NRXN3: variants seen among roughly 807,000 people sequenced by gnomAD.
The protein encoded by NRXN3 is neurexin 3.
A neutral mutation model predicts 137.6 loss-of-function variants in NRXN3; 32 were observed. The observed-to-expected ratio is 0.23, with a 90% CI of 0.18 to 0.31. NRXN3 has a LOEUF of 0.31. NRXN3 is among the 10% of genes least tolerant of loss of function. The probability of loss-of-function intolerance (pLI) is 1.00; values close to 1 mark genes in which losing one functional copy is unlikely to be tolerated. For missense variants in NRXN3, 1,574 were observed against 2,062.5 expected (o/e 0.76, Z 4.59); for synonymous variants, 798 against 784.5 (o/e 1.02, Z -0.29).
intron 10 of NRXN3, among the ~76,000 whole-genome samples, chr14:78,879,859 C>CG (rs556241270): frequency 3.4e-4 from 52 of 151,186 alleles, no homozygotes; most frequent in African/African-American, 1.1e-3. Context: ...CATGGAGGGA[C>CG]CCCCCCTGCC....
At chr14:79,784,666 G>C (rs577229116) in intron 19 of NRXN3, among the ~76,000 whole-genome samples, 135 of 138,862 alleles carry the variant, frequency 9.7e-4, no homozygotes, top group African/African-American at 3.6e-3. Context: ...AACGAGCACA[G>C]CATGGTCCAA....
chr14:78,487,825 C>A (rs2095591853), intron 4 of NRXN3, among the ~76,000 whole-genome samples: 1 of 151,694 alleles, frequency 6.6e-6, no homozygotes, highest in African/African-American at 2.4e-5. Flanking sequence ...AGAATAAAGA[C>A]TCGGTAGACA....
chr14:78,719,218 C>T (rs531816602), intron 8 of NRXN3, among the ~76,000 whole-genome samples: 105 of 152,346 alleles, frequency 6.9e-4, no homozygotes, highest in African/African-American at 2.4e-3. Context: ...AAGCTCAGCA[C>T]AAGTTCATCC....
chr14:78,918,627 C>A (rs2099263075), intron 10 of NRXN3, among the ~76,000 whole-genome samples: 1 of 152,162 alleles, frequency 6.6e-6, no homozygotes. Flanking sequence ...TTGAGCTGAT[C>A]CATATTTTTT....
intron 1 of NRXN3, among the ~76,000 whole-genome samples, chr14:78,175,967 G>A (rs1014964622): frequency 1.3e-5 from 2 of 152,186 alleles, no homozygotes; most frequent in Non-Finnish European, 2.9e-5. Flanking sequence ...CAAGCTCTGA[G>A]AGGTCAAGGA....
chr14:78,191,571 C>G (rs997217827), intron 1 of NRXN3, among the ~76,000 whole-genome samples: 1 of 152,200 alleles, frequency 6.6e-6, no homozygotes, highest in African/African-American at 2.4e-5. Flanking sequence ...TAGCTCCCCA[C>G]CCTGATCTAG....
At chr14:79,008,288 TA>T (rs571647375) in intron 15 of NRXN3, among the ~76,000 whole-genome samples, 89 of 152,246 alleles carry the variant, frequency 5.8e-4, no homozygotes, top group Non-Finnish European at 9.9e-4. Flanking sequence ...CAAGCAAACA[TA>T]AAGGACAGAA....
chr14:79,716,130 C>T (rs1408328041), intron 19 of NRXN3, among the ~76,000 whole-genome samples: 2 of 152,144 alleles, frequency 1.3e-5, no homozygotes, highest in Admixed American at 6.5e-5. Context: ...ATCACATGGT[C>T]ATGTGGAATG....
intron 15 of NRXN3, among the ~76,000 whole-genome samples, chr14:79,362,148 A>AT (rs1428880019): frequency 2.7e-5 from 4 of 150,532 alleles, no homozygotes; most frequent in South Asian, 2.1e-4. Context: ...ATTTTATTTT[A>AT]TTTATTTATT....
Position 78,821,812 on chromosome 14 carries a change from G to A in NRXN3, c.2275+11468G>A, listed in dbSNP as rs543049805. 3.9e-5 allele frequency among the ~76,000 whole-genome samples: 6 copies of A among 152,256 alleles called. No homozygotes were observed. In the East Asian group the frequency reaches 1.2e-3, roughly 29 times the overall value. On this transcript the variant is annotated intron_variant, in intron 10 of 20. Coordinates refer to ENST00000335750, the MANE Select transcript of NRXN3 (RefSeq NM_001330195.2). ...AAACTCAGATTGCCCAGGTATACCTGCCGGCAGTTGGAATGTTTAACTTAA... is the reference window on the plus strand; with the variant it reads ...AAACTCAGATTGCCCAGGTATACCTACCGGCAGTTGGAATGTTTAACTTAA...
At chr14:79,486,473 C>T (rs975776605) in intron 16 of NRXN3, among the ~76,000 whole-genome samples, 1 of 152,274 alleles carries the variant, frequency 6.6e-6, no homozygotes, top group East Asian at 1.9e-4. Flanking sequence ...GGATGCCCAC[C>T]CCAACTTGGA....
At position 78,233,754 on chromosome 14, in the gene NRXN3, G is replaced by T. The variant is rs1012668156; in HGVS notation, c.-703-8637G>T. On this transcript the variant is annotated intron_variant, in intron 1 of 20. Transcript: ENST00000335750. ...ACACTGCTCCTGCCACTGCTGCATT[G>T]CCTGTGTTAGCCCAAACACCCTGAC... Among the ~76,000 whole-genome samples, 3 of 148,412 alleles carry T rather than the reference G, an allele frequency of 2.0e-5. No individual in the cohort carries two copies. The South Asian group carries it at 6.4e-4, about 32-fold the overall frequency.
rs185671157 is a variant in NRXN3 at position 78,482,755 on chromosome 14, T to C, written c.758-162365T>C. The stretch of plus-strand genomic sequence containing the variant: ...TTTGTTCCTGTGGATAATCTTAAGA[T>C]AATTTGAAGGAAGTTTCTTAACTTT... On this transcript the variant is annotated intron_variant, in intron 4 of 20. Transcript: ENST00000335750. Among the ~76,000 whole-genome samples the C allele has an allele frequency of 1.3e-4, 20 of 152,318 alleles. No individual in the cohort carries two copies. In the East Asian group the frequency reaches 3.7e-3, roughly 28 times the overall value.
intron 8 of NRXN3, among the ~76,000 whole-genome samples, chr14:78,770,566 T>A (rs1462674604): frequency 6.6e-6 from 1 of 152,202 alleles, no homozygotes; most frequent in African/African-American, 2.4e-5. Flanking sequence ...TGAATAGATA[T>A]GAGCATTTGA....
intron 15 of NRXN3, among the ~76,000 whole-genome samples, chr14:79,423,725 C>T (rs1016426419): frequency 3.9e-5 from 6 of 152,174 alleles, no homozygotes; most frequent in Non-Finnish European, 8.8e-5. Context: ...TAGAATTCAT[C>T]TCATAATAAA....
intron 14 of NRXN3, among the ~76,000 whole-genome samples, chr14:78,977,487 C>T (rs144415883): frequency 6.6e-6 from 1 of 152,202 alleles, no homozygotes; most frequent in African/African-American, 2.4e-5. Flanking sequence ...ACAGACTCCT[C>T]AGTTTACATT....
chr14:79,817,692 C>T (rs1429400653), intron 20 of NRXN3, among the ~76,000 whole-genome samples: 1 of 152,148 alleles, frequency 6.6e-6, no homozygotes. Context: ...AGCGTGGACA[C>T]CCATCACTAT....
intron 10 of NRXN3, among the ~76,000 whole-genome samples, chr14:78,842,817 C>T (rs1162098676): frequency 6.6e-6 from 1 of 152,242 alleles, no homozygotes; most frequent in Non-Finnish European, 1.5e-5. Context: ...AGAGATACTT[C>T]TCCCACTTGC....
intron 15 of NRXN3, among the ~76,000 whole-genome samples, chr14:79,019,424 A>C (rs1372555534): frequency 6.6e-6 from 1 of 152,226 alleles, no homozygotes; most frequent in Non-Finnish European, 1.5e-5. Flanking sequence ...TCAATAAATA[A>C]ACATATTATA....
Sources: gnomAD v4.1 joint callset for allele counts (sites outside exome capture counted in the v4.1 genomes callset) on GRCh38, gnomAD v4.1.1 for gene constraint, MANE v1.5 for transcripts, NCBI Gene and HGNC (gene_info 2026-07-23, HGNC 2026-07-21) for gene names.